Variants in OSBPL10 observed in about 807,000 individuals in gnomAD.
OSBPL10 encodes oxysterol-binding protein-related protein 10.
Under a neutral mutation model 81.7 loss-of-function variants are expected in OSBPL10, and 49 were observed. That is an observed-to-expected ratio of 0.60 (90% confidence interval 0.48 to 0.76). OSBPL10 has a LOEUF of 0.76. Among genes scored for constraint, OSBPL10 ranks in the 30% least tolerant of loss-of-function variants. OSBPL10 has a pLI of 0.00. For missense variants in OSBPL10, 923 were observed against 987.8 expected (o/e 0.93, Z 0.88); for synonymous variants, 419 against 383.6 (o/e 1.09, Z -1.08).
Position 31,684,024 on chromosome 3 carries a change from T to C in OSBPL10, c.1336A>G (p.Thr446Ala). Residue 446 changes from threonine to alanine, a missense_variant, in exon 8 of 12, where the codon ACC (threonine) becomes GCC (alanine). Transcript: ENST00000396556. ...CTCTCCTCTGGTGTGGCCCCAGCGG[T>C]GATGGCCAGCAGTAGGTCTGGGTGC... is the stretch of plus-strand genomic sequence containing the variant. ...MAHPDLLLAI[T>A]AGATPEERVI... 1 of 1,614,112 alleles carries C rather than the reference T, an allele frequency of 6.2e-7. No individual in the cohort carries two copies. Among genetic ancestry groups the C allele is most frequent in the East Asian group, 2.2e-5 (1 of 44,872 alleles).
chr3:31,965,560 A>AT (rs1317936615), intron 1 of OSBPL10, among the ~76,000 whole-genome samples: 1 of 81,072 alleles, frequency 1.2e-5, no homozygotes, highest in Non-Finnish European at 2.1e-5. Context: ...ATATTATATA[A>AT]ATTATATATT....
intron 5 of OSBPL10, among the ~76,000 whole-genome samples, chr3:31,738,702 C>T (rs1697260143): frequency 6.6e-6 from 1 of 152,122 alleles, no homozygotes; most frequent in South Asian, 2.1e-4. Flanking sequence ...GCATTAAGAA[C>T]TAGTAAGTGG....
At chr3:31,842,852 G>T (rs1277223627) in intron 3 of OSBPL10, among the ~76,000 whole-genome samples, 1 of 152,148 alleles carries the variant, frequency 6.6e-6, no homozygotes, top group Non-Finnish European at 1.5e-5. Context: ...TGGAGTTGGG[G>T]ACAAAAACAT....
rs553294154 is a variant in OSBPL10, at chr3:31,769,549, A to T, written c.730-21429T>A. On this transcript the variant is annotated intron_variant, in intron 4 of 11. Transcript: ENST00000396556. ...ACTCATTATAAAAATATATTTTATT[A>T]AAAATATATTTTTATATTATAACTC... Among the ~76,000 whole-genome samples, 3 of 146,056 alleles carry T rather than the reference A, an allele frequency of 2.1e-5. No homozygotes were observed. In the South Asian group the frequency reaches 6.4e-4, roughly 31 times the overall value.
rs763171456 is a variant in OSBPL10, at chr3:31,990,407, T to G, written n.298+56084A>C. ...TTTAGACGTCGTTCATATCTCGTAG[T>G]TCATTGGCGAACTCATACTGGAGAG... On this transcript the variant is annotated intron_variant and non_coding_transcript_variant, in intron 2 of 3. Transcript: ENST00000479173. The G allele has an allele frequency of 2.5e-6, 4 of 1,613,802 alleles. No homozygotes were observed. The South Asian group carries it at 4.4e-5, about 18-fold the overall frequency.
At chr3:31,697,408 C>A (rs1575482646) in intron 7 of OSBPL10, among the ~76,000 whole-genome samples, 2 of 151,950 alleles carry the variant, frequency 1.3e-5, no homozygotes, top group Admixed American at 6.6e-5. Flanking sequence ...GGGTTAGTTA[C>A]CAGCAATAGA....
rs552931109 is a variant in OSBPL10, at chr3:31,877,683, AAATCT to A, written c.458-1176_458-1172del. ...CTTCAGCTTGAACTTTCAGGAGAAG[AAATCT>A]AGAGTTACCAAATGGGAAATTCGTT... On this transcript the variant is annotated intron_variant, in intron 2 of 11. Transcript: ENST00000396556. Among the ~76,000 whole-genome samples the A allele has an allele frequency of 3.3e-3, 507 of 152,274 alleles. 2 individuals are homozygous for A. Among genetic ancestry groups the A allele is most frequent in the African/African-American group, 0.012 (482 of 41,566 alleles).
chr3:31,955,818 C>G (rs559359385), intron 1 of OSBPL10, among the ~76,000 whole-genome samples: 3 of 152,210 alleles, frequency 2.0e-5, no homozygotes, highest in Admixed American at 6.5e-5. Context: ...TTCTTCTAAG[C>G]AGACACACTC....
intron 2 of OSBPL10, among the ~76,000 whole-genome samples, chr3:32,008,965 C>A (rs1322915947): frequency 6.6e-6 from 1 of 152,020 alleles, no homozygotes; most frequent in Non-Finnish European, 1.5e-5. Context: ...TGAATAGACA[C>A]AGAACAACAG....
intron 4 of OSBPL10, among the ~76,000 whole-genome samples, chr3:31,825,760 A>T (rs1700085384): frequency 6.6e-6 from 1 of 152,240 alleles, no homozygotes; most frequent in Non-Finnish European, 1.5e-5. Flanking sequence ...TAAATTTTAA[A>T]ATAGCAATAC....
intron 1 of OSBPL10, among the ~76,000 whole-genome samples, chr3:31,972,127 G>A (rs369105399): frequency 6.2e-4 from 94 of 152,338 alleles, no homozygotes; most frequent in African/African-American, 2.1e-3. Context: ...AGTGGCTCAC[G>A]CCTGTAATCC....
At chr3:31,855,518 T>C (rs1700886669) in intron 3 of OSBPL10, among the ~76,000 whole-genome samples, 2 of 152,214 alleles carry the variant, frequency 1.3e-5, no homozygotes, top group Non-Finnish European at 2.9e-5. Flanking sequence ...CCTGGCACAG[T>C]ACATATTTGT....
intron 1 of OSBPL10, among the ~76,000 whole-genome samples, chr3:32,066,847 G>A (rs2125445698): frequency 6.6e-6 from 1 of 152,264 alleles, no homozygotes; most frequent in East Asian, 1.9e-4. Context: ...CTGAGCTCCT[G>A]TGATTGGCCC....
chr3:31,767,183 C>G (rs907424587), intron 4 of OSBPL10, among the ~76,000 whole-genome samples: 1 of 152,154 alleles, frequency 6.6e-6, no homozygotes, highest in Non-Finnish European at 1.5e-5. Flanking sequence ...ACAATATTAG[C>G]CAATTCTCTC....
intron 2 of OSBPL10, among the ~76,000 whole-genome samples, chr3:31,992,566 C>T (rs35781067): frequency 0.028 from 4,207 of 152,298 alleles, 99 homozygotes; most frequent in African/African-American, 0.07. Context: ...ACTCCAATCT[C>T]TGGTTCTGTC....
chr3:31,893,120 A>T (rs1695949815), intron 1 of OSBPL10, among the ~76,000 whole-genome samples: 1 of 152,206 alleles, frequency 6.6e-6, no homozygotes, highest in African/African-American at 2.4e-5. Context: ...GGGCAGAGTC[A>T]AAGCCTTTCT....
intron 1 of OSBPL10, among the ~76,000 whole-genome samples, chr3:31,912,335 A>G (rs1359111500): frequency 6.6e-6 from 1 of 151,410 alleles, no homozygotes; most frequent in Non-Finnish European, 1.5e-5. Flanking sequence ...CAGAGGTTGC[A>G]GTGAGCCGAG....
chr3:31,757,101 T>C (rs1697909661), intron 4 of OSBPL10, among the ~76,000 whole-genome samples: 1 of 152,192 alleles, frequency 6.6e-6, no homozygotes, highest in Admixed American at 6.5e-5. Context: ...CATGAGGGTT[T>C]TTCCGTGAAA....
intron 4 of OSBPL10, among the ~76,000 whole-genome samples, chr3:31,784,821 G>A (rs2125779577): frequency 7.7e-6 from 1 of 129,872 alleles, no homozygotes; most frequent in East Asian, 2.4e-4. Context: ...AGCCCCAAGT[G>A]ATTCGCCCAT....
Sources: gnomAD v4.1 joint callset for allele counts (sites outside exome capture counted in the v4.1 genomes callset) on GRCh38, gnomAD v4.1.1 for gene constraint, MANE v1.5 for transcripts, NCBI Gene and HGNC (gene_info 2026-07-23, HGNC 2026-07-21) for gene names.